The following CSTA variants were observed in gnomAD, a reference collection of about 807,000 sequenced individuals.
CSTA encodes cystatin-A.
In CSTA, 9 loss-of-function variants were observed where a neutral mutation model predicts 9.2. That is an observed-to-expected ratio of 0.97 (90% CI 0.59 to 1.70). CSTA has a LOEUF of 1.70. CSTA is among the 40% of genes most tolerant of loss of function. The probability of loss-of-function intolerance (pLI) is 0.00; values close to 1 mark genes in which losing one functional copy is unlikely to be tolerated. For synonymous variants in CSTA, 36 were observed against 40.6 expected (o/e 0.89, Z 0.43); for missense variants, 118 against 113.1 (o/e 1.04, Z -0.20).
chr3:122,336,237 G>A (rs567932638), intron 1 of CSTA, among the ~76,000 whole-genome samples: 61 of 152,254 alleles, frequency 4.0e-4, no homozygotes, highest in African/African-American at 1.4e-3. Flanking sequence ...TGGAGAAATA[G>A]TTGATTCCAG....
intron 1 of CSTA, among the ~76,000 whole-genome samples, chr3:122,327,490 C>G (rs1369791181): frequency 2.2e-5 from 3 of 136,206 alleles, no homozygotes; most frequent in African/African-American, 8.2e-5. Flanking sequence ...GATTGCACCA[C>G]TGCACTCCAG....
chr3:122,330,959 A>G (rs1382588395), intron 1 of CSTA, among the ~76,000 whole-genome samples: 1 of 152,198 alleles, frequency 6.6e-6, no homozygotes, highest in East Asian at 1.9e-4. Context: ...CCTCCGGATC[A>G]TTATTGCTGA....
intron 2 of CSTA, 80 bp downstream of exon 2, chr3:122,337,728 A>T (rs573647138): frequency 1.0e-6 from 1 of 966,832 alleles, no homozygotes; most frequent in African/African-American, 1.6e-5. Context: ...TCCCTACCAC[A>T]TAATTCCTTC....
chr3:122,333,524 A>AAAGAAAGAAAAGAAAG (rs1273604800), intron 1 of CSTA, among the ~76,000 whole-genome samples: 1,675 of 139,880 alleles, frequency 0.012, 71 homozygotes, highest in East Asian at 0.076. Context: ...GAGAGAGAAG[A>AAAGAAAGAAAAGAAAG]AAGAAAGAAA....
intron 1 of CSTA, among the ~76,000 whole-genome samples, chr3:122,325,655 T>C (rs2075166500): frequency 6.6e-6 from 1 of 152,222 alleles, no homozygotes; most frequent in African/African-American, 2.4e-5. Context: ...GATTCTAGAA[T>C]TACTAATTCA....
intron 1 of CSTA, among the ~76,000 whole-genome samples, chr3:122,329,211 C>G (rs1017570987): frequency 6.6e-6 from 1 of 151,854 alleles, no homozygotes; most frequent in Non-Finnish European, 1.5e-5. Context: ...CATGATCCAC[C>G]CGCCTTGGCC....
At chr3:122,336,146 A>G (rs1460622478) in intron 1 of CSTA, among the ~76,000 whole-genome samples, 1 of 152,180 alleles carries the variant, frequency 6.6e-6, no homozygotes, top group Non-Finnish European at 1.5e-5. Flanking sequence ...CCTAGAAGCA[A>G]TGACATTTAG....
intron 1 of CSTA, among the ~76,000 whole-genome samples, chr3:122,337,294 G>A (rs2075241621): frequency 6.6e-6 from 1 of 152,086 alleles, no homozygotes; most frequent in Non-Finnish European, 1.5e-5. Context: ...TAGAGTTTTA[G>A]CAGTCAAAAC....
At chr3:122,327,528 C>CAAAAA (rs59568582) in intron 1 of CSTA, among the ~76,000 whole-genome samples, 4 of 44,050 alleles carry the variant, frequency 9.1e-5, no homozygotes, top group Admixed American at 2.8e-4. Flanking sequence ...GACTCCGTCT[C>CAAAAA]AAAAAAAAAA....
chr3:122,333,698 G>GAAAGAA (rs1559981694), intron 1 of CSTA, among the ~76,000 whole-genome samples: 1 of 129,366 alleles, frequency 7.7e-6, no homozygotes, highest in African/African-American at 2.8e-5. Context: ...AAGAGAGAGA[G>GAAAGAA]AAAGAAAGAA....
At chr3:122,327,599 G>A (rs2075178664) in intron 1 of CSTA, among the ~76,000 whole-genome samples, 1 of 149,848 alleles carries the variant, frequency 6.7e-6, no homozygotes, top group African/African-American at 2.5e-5. Context: ...GAAAAATGAA[G>A]GTAACACCTC....
chr3:122,333,745 A>AAAG (rs2075221419), intron 1 of CSTA, among the ~76,000 whole-genome samples: 1 of 147,234 alleles, frequency 6.8e-6, no homozygotes, highest in South Asian at 2.2e-4. Context: ...AGAAAGAAAG[A>AAAG]AAAGAAAAGA....
intron 2 of CSTA, among the ~76,000 whole-genome samples, chr3:122,340,467 G>A (rs1281882925): frequency 1.3e-5 from 2 of 152,112 alleles, no homozygotes; most frequent in South Asian, 2.1e-4. Context: ...ACCACACCCA[G>A]CTAATTTTGT....
intron 2 of CSTA, 61 bp downstream of exon 2, chr3:122,337,709 T>C: frequency 9.6e-7 from 1 of 1,044,744 alleles, no homozygotes; most frequent in Non-Finnish European, 1.5e-6. Flanking sequence ...TGTAAAATAT[T>C]CCCTGATTTC....
chr3:122,333,776 A>G lies in CSTA; in HGVS notation c.67-3771A>G, dbSNP rs541990085. 7.9e-5 allele frequency among the ~76,000 whole-genome samples: 12 copies of G among 152,332 alleles called. No individual in the cohort carries two copies. In the South Asian group the frequency reaches 2.3e-3, roughly 29 times the overall value. On this transcript the variant is annotated intron_variant, in intron 1 of 2. Coordinates refer to ENST00000264474, the MANE Select transcript of CSTA (RefSeq NM_005213.4). ...AAAGAAAGGCTGGTTGGCTTAGGAT[A>G]CGTGCTTAAAAAGAAACATGACTGA...
chr3:122,335,192 A>T (rs2075229616), intron 1 of CSTA, among the ~76,000 whole-genome samples: 2 of 152,218 alleles, frequency 1.3e-5, no homozygotes, highest in Non-Finnish European at 2.9e-5. Context: ...GAATGCTGAC[A>T]TTTAAACCCA....
intron 1 of CSTA, among the ~76,000 whole-genome samples, chr3:122,333,540 G>GAAGAAAGAAAGAAAGA (rs71136564): frequency 0.025 from 2,809 of 112,100 alleles, 75 homozygotes; most frequent in Middle Eastern, 0.037. Flanking sequence ...AGAAAAGAAA[G>GAAGAAAGAAAGAAAGA]AAGAAAGAAA....
At chr3:122,340,706 G>C (rs2075261172) in intron 2 of CSTA, among the ~76,000 whole-genome samples, 1 of 152,320 alleles carries the variant, frequency 6.6e-6, no homozygotes, top group African/African-American at 2.4e-5. Context: ...TGGGAACCCT[G>C]CATCCCAAAT....
chr3:122,333,835 T>C (rs2075221820), intron 1 of CSTA, among the ~76,000 whole-genome samples: 1 of 152,218 alleles, frequency 6.6e-6, no homozygotes, highest in South Asian at 2.1e-4. Context: ...ATATATAAGT[T>C]ATCATGCAAG....
Sources: gnomAD v4.1 joint callset for allele counts (sites outside exome capture counted in the v4.1 genomes callset) on GRCh38, gnomAD v4.1.1 for gene constraint, MANE v1.5 for transcripts, NCBI Gene and HGNC (gene_info 2026-07-23, HGNC 2026-07-21) for gene names.